LRRC40: variants seen among roughly 807,000 people sequenced by gnomAD.
LRRC40 encodes the protein leucine rich repeat containing 40.
LRRC40 carries 76 observed loss-of-function variants against 72.8 expected under a neutral mutation model. The ratio of observed to expected loss-of-function variants is 1.04; its 90% CI spans 0.87 to 1.26. The LOEUF is 1.26. Among genes scored for constraint, LRRC40 ranks in the 50% most tolerant of loss-of-function variants. The pLI is 0.00. For synonymous variants in LRRC40, 243 were observed against 254.2 expected (o/e 0.96, Z 0.42); for missense variants, 684 against 698.9 (o/e 0.98, Z 0.24).
rs540505863 is a variant in LRRC40, at chr1:70,151,063, T to A, written c.1517+65A>T. 1.1e-5 allele frequency: 10 copies of A among 928,296 alleles called. No individual in the cohort carries two copies. In the South Asian group the frequency reaches 1.5e-4, roughly 14 times the overall value. The allele number at this position is 928,296 out of a possible 1,614,324, so 57.5% of individuals were successfully genotyped here. A position where few individuals can be genotyped will look rare whatever the true frequency, so the allele number is the denominator to read the frequency against. On this transcript the variant is annotated intron_variant, in intron 13 of 14. Transcript: ENST00000370952. ...GCCTTTTTGTTTTTTTGGCTTTTGT[T>A]TTCTCCAATGAGAAAGATCTACATA... is the stretch of plus-strand genomic sequence containing the variant.
rs994924608 is a variant in LRRC40, at chr1:70,178,563, T to C, written c.804+288A>G. On this transcript the variant is annotated intron_variant, in intron 6 of 14. Transcript: ENST00000370952. ...CTGGTTGGTATTCCAGGTCTCCTAC[T>C]TACAATTTTAGCCTCTTTATCTACT... Among the ~76,000 whole-genome samples the C allele has an allele frequency of 2.0e-5, 3 of 152,166 alleles. No individual in the cohort carries two copies. In the East Asian group the frequency reaches 5.8e-4, roughly 29 times the overall value.
At chr1:70,170,592 C>T (rs1667979610) in intron 9 of LRRC40, among the ~76,000 whole-genome samples, 1 of 151,900 alleles carries the variant, frequency 6.6e-6, no homozygotes, top group Non-Finnish European at 1.5e-5. Context: ...TTGCAAAGAA[C>T]AGCACAAAAA....
intron 1 of LRRC40, among the ~76,000 whole-genome samples, chr1:70,197,114 C>A (rs1487779311): frequency 6.6e-6 from 1 of 151,926 alleles, no homozygotes; most frequent in African/African-American, 2.4e-5. Flanking sequence ...GGCTACTGGG[C>A]ACTTGCAATG....
chr1:70,148,531 G>T lies in LRRC40; in HGVS notation c.1659C>A (p.Asp553Glu). ...CGAGCTCTGGTGGAATTTGTAAGAG[G>T]TCATTATTTTGAAGGTCCAACGTGG... The part of the protein sequence containing the change: ...NLTTLDLQNN[D>E]LLQIPPELGN... The change falls in exon 14 of 15, where the codon GAC becomes GAA. Residue 553 changes from aspartate (D) to glutamate (E), a missense_variant. By Grantham distance (45) the Asp-to-Glu change is conservative. Transcript: ENST00000370952. 1 of 1,613,262 alleles carries T rather than the reference G, an allele frequency of 6.2e-7. No homozygotes were observed. Among genetic ancestry groups the T allele is most frequent in the Middle Eastern group, 1.7e-4 (1 of 6,054 alleles).
At chr1:70,204,732 T>TACACACACACACGC (rs1553218396) in intron 1 of LRRC40, among the ~76,000 whole-genome samples, 14 of 145,188 alleles carry the variant, frequency 9.6e-5, no homozygotes, top group African/African-American at 3.3e-4. Flanking sequence ...CTCTCTCTCT[T>TACACACACACACGC]ACACACACAC....
rs1414245741 is a variant in LRRC40, at chr1:70,181,207, A to T, written c.540T>A (p.Asp180Glu). The T allele has an allele frequency of 2.2e-5, 34 of 1,536,346 alleles. No homozygotes were observed. The highest frequency in any genetic ancestry group is 3.0e-5 in the Non-Finnish European group (34 of 1,145,808). Residue 180 changes from aspartate to glutamate, a missense_variant and splice_region_variant, in exon 5 of 15, where the codon GAT (aspartate) becomes GAA (glutamate). Coordinates refer to ENST00000370952, the MANE Select transcript of LRRC40 (RefSeq NM_017768.5). The part of the protein sequence containing the change: ...FEQLSNLEDL[D>E]LSNNHLTTVP... Reference sequence around the variant, plus strand: ...CAGTTGTAAGATGATTGTTTGAAAGATCCTTTAAAAAGAGAAAGACAAAAT... The same window carrying T: ...CAGTTGTAAGATGATTGTTTGAAAGTTCCTTTAAAAAGAGAAAGACAAAAT...
intron 6 of LRRC40, 94 bp downstream of exon 6, chr1:70,178,757 C>T (rs1249013047): frequency 6.9e-6 from 5 of 719,994 alleles, no homozygotes; most frequent in Middle Eastern, 4.3e-4. Flanking sequence ...CTAATACACA[C>T]TCCCAATGTA....
rs547415121 is a variant in LRRC40 at position 70,178,249 on chromosome 1, T to A, written c.804+602A>T. Among the ~76,000 whole-genome samples, 7 of 152,304 alleles carry A rather than the reference T, an allele frequency of 4.6e-5. No homozygotes were observed. In the East Asian group the frequency reaches 1.4e-3, roughly 29 times the overall value. ...ACCTAACATTTTCATTAGTGATTAT[T>A]TTATATACTGATTTGCCATTAATAG... On this transcript the variant is annotated intron_variant, in intron 6 of 14. Transcript: ENST00000370952.
At chr1:70,154,582 A>C (rs1361416349) in intron 11 of LRRC40, among the ~76,000 whole-genome samples, 1 of 152,116 alleles carries the variant, frequency 6.6e-6, no homozygotes, top group African/African-American at 2.4e-5. Flanking sequence ...ACTATCTTAA[A>C]TTTGTCGTCT....
chr1:70,177,805 G>T (rs899715038), intron 6 of LRRC40, among the ~76,000 whole-genome samples: 3 of 152,142 alleles, frequency 2.0e-5, no homozygotes, highest in Non-Finnish European at 4.4e-5. Context: ...GGTTTGAACT[G>T]CACAGGTCCA....
At chr1:70,202,354 T>TA (rs571450447) in intron 1 of LRRC40, among the ~76,000 whole-genome samples, 2,264 of 146,296 alleles carry the variant, frequency 0.015, 33 homozygotes, top group South Asian at 0.05. Context: ...TACTCAGCAA[T>TA]AAAAAAAAAA....
chr1:70,159,152 T>A (rs867234936), intron 10 of LRRC40, among the ~76,000 whole-genome samples, 178 bp downstream of exon 10: 2 of 152,092 alleles, frequency 1.3e-5, no homozygotes, highest in Non-Finnish European at 2.9e-5. Context: ...TTCCTATGTG[T>A]TTGGTAATGT....
chr1:70,172,960 T>A (rs992028221), intron 9 of LRRC40, among the ~76,000 whole-genome samples: 2 of 152,020 alleles, frequency 1.3e-5, no homozygotes, highest in Non-Finnish European at 2.9e-5. Context: ...GTATATGACA[T>A]GTTTAGTGAA....
intron 1 of LRRC40, among the ~76,000 whole-genome samples, chr1:70,196,967 CG>C (rs1668624738): frequency 6.6e-6 from 1 of 152,058 alleles, no homozygotes; most frequent in African/African-American, 2.4e-5. Flanking sequence ...GCAATTCTAT[CG>C]GAAAAATATA....
At chr1:70,164,288 G>A (rs926108032) in intron 9 of LRRC40, among the ~76,000 whole-genome samples, 2 of 152,084 alleles carry the variant, frequency 1.3e-5, no homozygotes, top group Admixed American at 6.5e-5. Context: ...TACTCATGAG[G>A]CTGAGGCAGG....
chr1:70,200,812 A>G (rs1408751360), intron 1 of LRRC40, among the ~76,000 whole-genome samples: 1 of 152,170 alleles, frequency 6.6e-6, no homozygotes, highest in Admixed American at 6.5e-5. Flanking sequence ...AGAGAGAGAG[A>G]AAAAAAGAGA....
At chr1:70,165,942 A>G (rs931479016) in intron 9 of LRRC40, among the ~76,000 whole-genome samples, 8 of 152,326 alleles carry the variant, frequency 5.3e-5, no homozygotes, top group African/African-American at 1.9e-4. Context: ...CTTATTACCT[A>G]TAAATAATAA....
intron 14 of LRRC40, chr1:70,147,795 C>T (rs1160793114): frequency 6.6e-6 from 1 of 152,190 alleles, no homozygotes; most frequent in African/African-American, 2.4e-5. Flanking sequence ...TTACTTCTGA[C>T]ACATTCTGCT....
At chr1:70,182,897 C>G (rs1668277692) in intron 4 of LRRC40, among the ~76,000 whole-genome samples, 1 of 152,108 alleles carries the variant, frequency 6.6e-6, no homozygotes, top group Non-Finnish European at 1.5e-5. Context: ...AAACGAGTCT[C>G]TGGGAACATG....
Sources: gnomAD v4.1 joint callset for allele counts (sites outside exome capture counted in the v4.1 genomes callset) on GRCh38, gnomAD v4.1.1 for gene constraint, MANE v1.5 for transcripts, NCBI Gene and HGNC (gene_info 2026-07-23, HGNC 2026-07-21) for gene names.